The following ATF2 variants were observed in gnomAD, a reference collection of about 807,000 sequenced individuals.
ATF2 encodes the protein activating transcription factor 2.
ATF2 carries 24 observed loss-of-function variants against 60.6 expected under a neutral mutation model. That is an observed-to-expected ratio of 0.40 (90% CI 0.29 to 0.56). The LOEUF (loss-of-function observed/expected upper bound fraction) is 0.56. ATF2 is among the 20% of genes least tolerant of loss of function. The probability of loss-of-function intolerance (pLI) is 0.54; values close to 1 mark genes in which losing one functional copy is unlikely to be tolerated. For missense variants in ATF2, 433 were observed against 607.7 expected (o/e 0.71, Z 3.02); for synonymous variants, 206 against 215.4 (o/e 0.96, Z 0.38).
At chr2:175,088,319 T>C (rs1385879136) in intron 12 of ATF2, among the ~76,000 whole-genome samples, 2 of 152,168 alleles carry the variant, frequency 1.3e-5, no homozygotes, top group African/African-American at 4.8e-5. Context: ...AAAGGTATTA[T>C]AATGTATCTT....
intron 3 of ATF2, among the ~76,000 whole-genome samples, chr2:175,131,613 A>G (rs1301360404): frequency 6.6e-6 from 1 of 152,218 alleles, no homozygotes; most frequent in Non-Finnish European, 1.5e-5. Context: ...ATTTATCTAA[A>G]TAACATATTA....
Position 175,117,997 on chromosome 2 carries a change from T to G in ATF2, c.440A>C (p.Asp147Ala). 1 of 1,599,766 alleles carries G rather than the reference T, an allele frequency of 6.3e-7. No individual in the cohort carries two copies. Among genetic ancestry groups the G allele is most frequent in the Non-Finnish European group, 8.5e-7 (1 of 1,175,248 alleles). Residue 147 changes from aspartate to alanine, a missense_variant, in exon 7 of 14, where the codon GAT becomes GCT. By Grantham distance (126) the Asp-to-Ala change is moderately radical. Coordinates refer to ENST00000264110, the MANE Select transcript of ATF2 (RefSeq NM_001880.4). Reference protein sequence around the residue: ...PLPHPESTTSDEKEVPLAQTA... With the variant: ...PLPHPESTTSAEKEVPLAQTA... ...TTTCTAAAAATTTCTAACCTTCTCA[T>G]CACTGGTAGTAGACTCTGGGTGAGG...
intron 9 of ATF2, 69 bp from the exon 10 acceptor site, chr2:175,111,723 G>A (rs1696203665): frequency 7.6e-7 from 1 of 1,319,608 alleles, no homozygotes; most frequent in East Asian, 2.4e-5. Context: ...CTTTACTGCT[G>A]TTGTAATAAT....
intron 10 of ATF2, 71 bp downstream of exon 10, chr2:175,111,497 G>T: frequency 7.5e-7 from 1 of 1,332,516 alleles, no homozygotes; most frequent in Non-Finnish European, 1.1e-6. Flanking sequence ...TGCATTTGAA[G>T]CAGGCTTTAG....
intron 5 of ATF2, among the ~76,000 whole-genome samples, chr2:175,121,227 G>A (rs546604947): frequency 2.0e-5 from 3 of 151,596 alleles, no homozygotes; most frequent in Admixed American, 1.3e-4. Flanking sequence ...CCACAAAATC[G>A]ACATTGGAAT....
At chr2:175,087,522 T>A (rs1185998660) in intron 12 of ATF2, among the ~76,000 whole-genome samples, 1 of 152,186 alleles carries the variant, frequency 6.6e-6, no homozygotes, top group South Asian at 2.1e-4. Context: ...GCCAACTGAC[T>A]AATCAATCGA....
chr2:175,074,900 G>C (rs538343616), intron 13 of ATF2, 65 bp from the exon 14 acceptor site: 15 of 1,591,648 alleles, frequency 9.4e-6, no homozygotes, highest in Middle Eastern at 1.7e-4. Context: ...AGTATGCTGA[G>C]GCAATACACA....
intron 1 of ATF2, among the ~76,000 whole-genome samples, chr2:175,162,768 A>T (rs1559130651): frequency 6.6e-6 from 1 of 152,234 alleles, no homozygotes; most frequent in Non-Finnish European, 1.5e-5. Context: ...GAAAACAAAA[A>T]TAATGAACAC....
chr2:175,113,124 C>T (rs780207710), intron 9 of ATF2, among the ~76,000 whole-genome samples: 3 of 152,146 alleles, frequency 2.0e-5, no homozygotes, highest in South Asian at 2.1e-4. Context: ...AAAAGTGGTT[C>T]TCAGGATGAA....
intron 1 of ATF2, among the ~76,000 whole-genome samples, chr2:175,155,903 T>C (rs1344801850): frequency 1.3e-5 from 2 of 152,094 alleles, no homozygotes; most frequent in African/African-American, 2.4e-5. Flanking sequence ...ATGATGAAAA[T>C]TGTAGGAATC....
chr2:175,099,661 GTGT>G (rs1695178732), intron 10 of ATF2, among the ~76,000 whole-genome samples: 1 of 152,280 alleles, frequency 6.6e-6, no homozygotes, highest in Non-Finnish European at 1.5e-5. Flanking sequence ...AGATTCACCT[GTGT>G]TGTTGTATTA....
chr2:175,102,177 T>C (rs1232971434), intron 10 of ATF2, among the ~76,000 whole-genome samples: 2 of 152,158 alleles, frequency 1.3e-5, no homozygotes, highest in African/African-American at 4.8e-5. Flanking sequence ...ATCACCATCT[T>C]ACAGATACAG....
rs979183208 is a variant in ATF2 at position 175,099,907 on chromosome 2, T to C, written c.829-2314A>G. Among the ~76,000 whole-genome samples the C allele has an allele frequency of 6.6e-5, 10 of 152,304 alleles. No homozygotes were observed. In the East Asian group the frequency reaches 1.7e-3, roughly 26 times the overall value. ...AACTCAAGACAGAGAGTCTGAAACT[T>C]TGTGGCTTAATGATTCAAAAAACAA... On this transcript the variant is annotated intron_variant, in intron 10 of 13. Transcript: ENST00000264110.
In ATF2 at chr2:175,080,683, A is replaced by C. The variant is rs1693703510; in HGVS notation, c.1268T>G (p.Met423Arg). 2 of 1,613,006 alleles carry C rather than the reference A, an allele frequency of 1.2e-6. No individual in the cohort carries two copies. Among genetic ancestry groups the C allele is most frequent in the Non-Finnish European group, 1.7e-6 (2 of 1,179,264 alleles). The change falls in exon 13 of 14, where the codon ATG (methionine) becomes AGG (arginine). Residue 423 changes from methionine to arginine, a missense_variant. By Grantham distance (91) the Met-to-Arg change is moderately conservative. Transcript: ENST00000264110. ...LAHKDCPVTA[M>R]QKKSGYHTAD... ...ACTATGATAGCCAGATTTCTTCTGC[A>C]TGGCGGTTACAGGGCAATCTTTATG...
chr2:175,075,336 C>T (rs1440243787), intron 13 of ATF2, among the ~76,000 whole-genome samples: 2 of 152,124 alleles, frequency 1.3e-5, no homozygotes, highest in Non-Finnish European at 2.9e-5. Flanking sequence ...CCATCTATTG[C>T]AGCCATGGAT....
At chr2:175,147,180 G>A (rs1041707295) in intron 2 of ATF2, among the ~76,000 whole-genome samples, 6 of 152,146 alleles carry the variant, frequency 3.9e-5, no homozygotes, top group African/African-American at 1.4e-4. Flanking sequence ...AATATGACAT[G>A]TAGGTTAAGT....
chr2:175,103,441 G>A lies in ATF2; in HGVS notation c.829-5848C>T, dbSNP rs1695437109. On this transcript the variant is annotated intron_variant, in intron 10 of 13. Transcript: ENST00000264110. ...CATATGAAAATCAAGTAGGTTGAGA[G>A]AGGGTCTGTTTCTTTGGAGTGGGCT... Among the ~76,000 whole-genome samples, 8 of 152,176 alleles carry A rather than the reference G, an allele frequency of 5.3e-5. No individual in the cohort carries two copies. The South Asian group carries it at 1.7e-3, about 32-fold the overall frequency.
At chr2:175,148,015 G>A (rs1032443425) in intron 2 of ATF2, 21 of 151,808 alleles carry the variant, frequency 1.4e-4, no homozygotes, top group African/African-American at 5.1e-4. Flanking sequence ...ACAGAAGTGA[G>A]CATCAGAGAT....
At chr2:175,144,895 G>GT (rs1190769506) in intron 2 of ATF2, among the ~76,000 whole-genome samples, 1 of 152,180 alleles carries the variant, frequency 6.6e-6, no homozygotes, top group Non-Finnish European at 1.5e-5. Flanking sequence ...GAGAGGAAAG[G>GT]TGAGTGCCTA....
Sources: allele counts gnomAD v4.1 joint callset (sites outside exome capture counted in the v4.1 genomes callset), GRCh38; gene constraint gnomAD v4.1.1; transcripts MANE v1.5; gene names NCBI Gene and HGNC (gene_info 2026-07-23, HGNC 2026-07-21).